The following AGK variants were observed in gnomAD, a reference collection of about 807,000 sequenced individuals.
AGK encodes the protein acylglycerol kinase.
A neutral mutation model predicts 66.4 loss-of-function variants in AGK; 52 were observed. That is an observed-to-expected ratio of 0.78 (90% CI 0.63 to 0.99). The LOEUF (loss-of-function observed/expected upper bound fraction) is 0.99. Among genes scored for constraint, AGK ranks in the 50% least tolerant of loss-of-function variants. The probability of loss-of-function intolerance (pLI) is 0.00; values close to 1 mark genes in which losing one functional copy is unlikely to be tolerated. For synonymous variants in AGK, 182 were observed against 181.1 expected, an observed-to-expected ratio of 1.00 and a Z score of -0.04; for missense variants, 451 against 506.6, an observed-to-expected ratio of 0.89 and a Z score of 1.05.
chr7:141,604,400 A>G (rs981587210), intron 5 of AGK, among the ~76,000 whole-genome samples: 67 of 145,400 alleles, frequency 4.6e-4, no homozygotes, highest in African/African-American at 1.6e-3. Context: ...ATATATATAT[A>G]TATACACATA....
At chr7:141,604,496 C>T (rs1207406713) in intron 5 of AGK, among the ~76,000 whole-genome samples, 23 of 149,672 alleles carry the variant, frequency 1.5e-4, no homozygotes, top group Non-Finnish European at 1.5e-5. Context: ...TATCTATATC[C>T]TAAAAACAAG....
Position 141,596,597 on chromosome 7 carries a change from A to G in AGK, c.177A>G (p.Gln59=), listed in dbSNP as rs749562899. 1 of 1,614,084 alleles carries G rather than the reference A, an allele frequency of 6.2e-7. No homozygotes were observed. Residue 59 remains glutamine, a synonymous_variant, in exon 4 of 16, where the codon CAA becomes CAG. Transcript: ENST00000649286. ...FGNQLIPPNA[Q]VKKATVFLNP... ...ATCAACTCATTCCTCCCAATGCACA[A>G]GTGAAGAAGGCCACTGTTTTTCTCA...
chr7:141,581,367 A>G (rs1795878411), intron 2 of AGK, among the ~76,000 whole-genome samples: 1 of 151,912 alleles, frequency 6.6e-6, no homozygotes. Flanking sequence ...AGGAGAGTAT[A>G]TGGGTTTGGC....
chr7:141,566,103 G>A (rs957732898), intron 2 of AGK, among the ~76,000 whole-genome samples: 5 of 152,152 alleles, frequency 3.3e-5, no homozygotes, highest in Admixed American at 6.6e-5. Flanking sequence ...GTTGTTCTCC[G>A]CGGAACATTC....
At chr7:141,575,345 A>G (rs1385770051) in intron 2 of AGK, among the ~76,000 whole-genome samples, 2 of 152,178 alleles carry the variant, frequency 1.3e-5, no homozygotes, top group African/African-American at 2.4e-5. Flanking sequence ...GACTAGGTCA[A>G]TTAGTTATTT....
In AGK at chr7:141,653,243, C is replaced by T. The variant is rs567559170; in HGVS notation, c.*319C>T. On this transcript the variant is annotated 3_prime_UTR_variant, in exon 16 of 16. Transcript: ENST00000649286. Reference sequence around the variant, plus strand: ...AAGTGCAACCACAGTGGAGAGCCCACGGTGGGCTTAGCCTGCCTAGGCCCT... The same window carrying T: ...AAGTGCAACCACAGTGGAGAGCCCATGGTGGGCTTAGCCTGCCTAGGCCCT... 16 of 268,208 alleles carry T rather than the reference C, an allele frequency of 6.0e-5. No individual in the cohort carries two copies. Among genetic ancestry groups the T allele is most frequent in the South Asian group, 4.2e-4 (8 of 18,946 alleles). The allele number at this position is 268,208 out of a possible 1,614,324, so 16.6% of individuals were successfully genotyped here.
intron 2 of AGK, among the ~76,000 whole-genome samples, chr7:141,580,439 T>A (rs932201208): frequency 4.6e-5 from 7 of 151,830 alleles, no homozygotes; most frequent in African/African-American, 1.7e-4. Flanking sequence ...GTCAGGTGGA[T>A]CAGAGAGATA....
chr7:141,601,203 A>C lies in AGK; in HGVS notation c.222-2A>C, dbSNP rs748227656. The C allele has an allele frequency of 3.7e-6, 6 of 1,608,068 alleles. No homozygotes were observed. In the South Asian group the frequency reaches 5.5e-5, roughly 15 times the overall value. ...TGTTTATATTTTTTCCTTTGTTAAC[A>C]GAAAAGCCAGGACTCTATTTGAAAA... is the stretch of plus-strand genomic sequence containing the variant. On this transcript the variant is annotated splice_acceptor_variant, in intron 4 of 15. Coordinates refer to ENST00000649286, the MANE Select transcript of AGK (RefSeq NM_018238.4). LOFTEE classifies it high-confidence loss of function.
intron 14 of AGK, among the ~76,000 whole-genome samples, chr7:141,651,243 T>C (rs1422662761): frequency 1.3e-5 from 2 of 152,214 alleles, no homozygotes; most frequent in Non-Finnish European, 2.9e-5. Context: ...ATTAGGTACA[T>C]GTGGAATGAT....
chr7:141,649,358 A>C (rs1312919881), intron 14 of AGK, 25 bp downstream of exon 14: 2 of 1,554,560 alleles, frequency 1.3e-6, no homozygotes, highest in Non-Finnish European at 1.8e-6. Context: ...GTTCACAGGA[A>C]ATGAGGCTTG....
intron 2 of AGK, among the ~76,000 whole-genome samples, chr7:141,587,051 C>T (rs1796008782): frequency 6.6e-6 from 1 of 152,164 alleles, no homozygotes; most frequent in African/African-American, 2.4e-5. Context: ...GATAGACAGA[C>T]CCAGAACTAA....
At chr7:141,574,466 G>T (rs1019342918) in intron 2 of AGK, among the ~76,000 whole-genome samples, 1 of 152,152 alleles carries the variant, frequency 6.6e-6, no homozygotes, top group Non-Finnish European at 1.5e-5. Context: ...GCTAGGATAA[G>T]AGAGTGAAAA....
Position 141,621,778 on chromosome 7 carries a change from C to G in AGK, c.565C>G (p.Pro189Ala), listed in dbSNP as rs1796831482. The change falls in exon 9 of 16, where the codon CCA (proline) becomes GCA (alanine). Residue 189 changes from proline (P) to alanine (A), a missense_variant. Pro to Ala is a conservative substitution (Grantham distance 27, BLOSUM62 -1). Coordinates refer to ENST00000649286, the MANE Select transcript of AGK (RefSeq NM_018238.4). ...TLAIVKGETV[P>A]LDVLQIKGEK... ...TGCCATTGTGAAAGGAGAGACAGTT[C>G]CACTTGATGTCTTGCAGATCAAGGT... The G allele has an allele frequency of 6.2e-7, 1 of 1,613,208 alleles. No individual in the cohort carries two copies. Among genetic ancestry groups the G allele is most frequent in the South Asian group, 1.1e-5 (1 of 90,990 alleles).
intron 2 of AGK, among the ~76,000 whole-genome samples, chr7:141,569,549 T>C (rs1430274057): frequency 1.3e-5 from 2 of 151,910 alleles, no homozygotes; most frequent in Non-Finnish European, 2.9e-5. Flanking sequence ...TAAAATAAAA[T>C]AATAATAATA....
chr7:141,611,492 TAGA>T (rs1320860945), intron 6 of AGK, among the ~76,000 whole-genome samples: 1 of 152,152 alleles, frequency 6.6e-6, no homozygotes, highest in Non-Finnish European at 1.5e-5. Flanking sequence ...ACCCAGCACA[TAGA>T]AGGATTTTTG....
At chr7:141,587,278 GTCA>G (rs1242944836) in intron 2 of AGK, among the ~76,000 whole-genome samples, 1 of 152,098 alleles carries the variant, frequency 6.6e-6, no homozygotes, top group East Asian at 1.9e-4. Context: ...CCTAGTTCCA[GTCA>G]TCATCACCGA....
At chr7:141,610,925 T>C (rs1266450552) in intron 5 of AGK, among the ~76,000 whole-genome samples, 1 of 152,208 alleles carries the variant, frequency 6.6e-6, no homozygotes, top group East Asian at 1.9e-4. Context: ...ACTAGCTAGC[T>C]GTGTAAGAGA....
chr7:141,571,925 G>C (rs2116879166), intron 2 of AGK, among the ~76,000 whole-genome samples: 1 of 152,112 alleles, frequency 6.6e-6, no homozygotes, highest in East Asian at 1.9e-4. Flanking sequence ...CCTCATCAGA[G>C]AAAGCATCCT....
intron 13 of AGK, among the ~76,000 whole-genome samples, chr7:141,646,992 A>G (rs1428499803): frequency 3.3e-5 from 5 of 151,890 alleles, no homozygotes. Context: ...CTCCCCTTGT[A>G]TGCTGGGCCT....
Sources: allele counts gnomAD v4.1 joint callset (sites outside exome capture counted in the v4.1 genomes callset), GRCh38; gene constraint gnomAD v4.1.1; transcripts MANE v1.5; gene names NCBI Gene and HGNC (gene_info 2026-07-23, HGNC 2026-07-21).